Variants in SYNPO2 observed in about 807,000 individuals in gnomAD.
SYNPO2 encodes the protein synaptopodin-2.
A neutral mutation model predicts 85.0 loss-of-function variants in SYNPO2; 56 were observed. That is an observed-to-expected ratio of 0.66 (90% CI 0.53 to 0.82). The LOEUF is 0.82. Among genes scored for constraint, SYNPO2 ranks in the 40% least tolerant of loss-of-function variants. The probability of loss-of-function intolerance (pLI) is 0.00; values close to 1 mark genes in which losing one functional copy is unlikely to be tolerated. For missense variants in SYNPO2, 1,575 were observed against 1,534.2 expected, an observed-to-expected ratio of 1.03 and a Z score of -0.44; for synonymous variants, 602 against 591.1, an observed-to-expected ratio of 1.02 and a Z score of -0.27.
chr4:119,031,467 G>T lies in SYNPO2; in HGVS notation c.2692G>T (p.Ala898Ser), dbSNP rs72914806. The change falls in exon 4 of 5, where the codon GCT (alanine) becomes TCT (serine). Residue 898 changes from alanine (A) to serine (S), a missense_variant. Transcript: ENST00000307142. ...TTCAGACACGGTGCAGGCCCACGCT[G>T]CTCGAGCTCAGTCTCCCACTCCATC... ...VDSDTVQAHA[A>S]RAQSPTPSLP... 1.9e-6 allele frequency: 3 copies of T among 1,614,160 alleles called. No individual in the cohort carries two copies. In the African/African-American group the frequency reaches 4.0e-5, roughly 22 times the overall value.
chr4:118,919,004 A>G (rs1244724510), intron 1 of SYNPO2, among the ~76,000 whole-genome samples: 1 of 152,244 alleles, frequency 6.6e-6, no homozygotes, highest in Non-Finnish European at 1.5e-5. Flanking sequence ...CTAAATATAC[A>G]TTTTAAAAAT....
chr4:118,922,612 C>T (rs950240823), intron 1 of SYNPO2, among the ~76,000 whole-genome samples: 1 of 151,630 alleles, frequency 6.6e-6, no homozygotes, highest in Admixed American at 6.6e-5. Context: ...TCTACTGGAA[C>T]CTACATGTTT....
intron 1 of SYNPO2, among the ~76,000 whole-genome samples, chr4:118,918,525 C>T (rs1733431632): frequency 6.6e-6 from 1 of 152,110 alleles, no homozygotes; most frequent in Non-Finnish European, 1.5e-5. Context: ...TTTTCCTTTG[C>T]TTCTCTGGAG....
intron 1 of SYNPO2, among the ~76,000 whole-genome samples, chr4:118,974,576 C>T (rs1167316288): frequency 1.3e-5 from 2 of 152,234 alleles, no homozygotes; most frequent in Non-Finnish European, 2.9e-5. Context: ...TTGATTTTAA[C>T]ACATCCCTTT....
chr4:118,928,265 G>A (rs991885665), intron 1 of SYNPO2, among the ~76,000 whole-genome samples: 1 of 152,178 alleles, frequency 6.6e-6, no homozygotes, highest in Non-Finnish European at 1.5e-5. Context: ...CCATGTAGGG[G>A]TTTATTAGCT....
At chr4:118,936,289 A>G (rs1734098358) in intron 1 of SYNPO2, among the ~76,000 whole-genome samples, 1 of 152,174 alleles carries the variant, frequency 6.6e-6, no homozygotes, top group African/African-American at 2.4e-5. Flanking sequence ...TCGTTAAGCA[A>G]TGCATGACTG....
Position 118,854,552 on chromosome 4 carries a change from G to C in SYNPO2, c.12+3612G>C, listed in dbSNP as rs115151517. Among the ~76,000 whole-genome samples the C allele has an allele frequency of 5.6e-3, 854 of 152,164 alleles. 2 individuals carry two copies. Among genetic ancestry groups the C allele is most frequent in the Non-Finnish European group, 9.1e-3 (617 of 67,972 alleles). ...AGAAACAGCTGATACTATTGTTAAAGCCATTGTAAATTTACTTTAAAAGTT... is the reference window on the plus strand; with the variant it reads ...AGAAACAGCTGATACTATTGTTAAACCCATTGTAAATTTACTTTAAAAGTT... On this transcript the variant is annotated intron_variant, in intron 1 of 4. Coordinates refer to the SYNPO2 transcript ENST00000610556.
Position 118,997,445 on chromosome 4 carries a change from G to A in SYNPO2, c.106-25985G>A, listed in dbSNP as rs141338882. Among the ~76,000 whole-genome samples, 44 of 152,222 alleles carry A rather than the reference G, an allele frequency of 2.9e-4. 1 individual carries two copies. The East Asian group carries it at 8.3e-3, about 29-fold the overall frequency. ...CTATACTCATGCTACCTGAAGACAC[G>A]GGACACTGAGGCTAAACTAGAATTC... is the stretch of plus-strand genomic sequence containing the variant. On this transcript the variant is annotated intron_variant, in intron 1 of 4. Transcript: ENST00000307142.
intron 1 of SYNPO2, among the ~76,000 whole-genome samples, chr4:118,955,462 T>C (rs554883402): frequency 4.4e-4 from 67 of 152,208 alleles, no homozygotes; most frequent in South Asian, 1.7e-3. Flanking sequence ...AGATATAGAG[T>C]ATGCATTTCC....
In SYNPO2 at chr4:118,878,266, C is replaced by G. The variant is rs574623333; in HGVS notation, c.12+27326C>G. On this transcript the variant is annotated intron_variant, in intron 1 of 4. Transcript: ENST00000610556. ...ACCACCTATGCACTATGCTTATTAC[C>G]TGGGTGACAAAATAATCTGTGCACA... is the stretch of plus-strand genomic sequence containing the variant. 3.9e-5 allele frequency among the ~76,000 whole-genome samples: 6 copies of G among 152,248 alleles called. No homozygotes were observed. In the East Asian group the frequency reaches 1.2e-3, roughly 29 times the overall value.
rs1330324078 is a variant in SYNPO2 at position 119,031,845 on chromosome 4, G to A, written c.3070G>A (p.Val1024Met). The A allele has an allele frequency of 3.1e-6, 5 of 1,614,082 alleles. No homozygotes were observed. The highest frequency in any genetic ancestry group is 3.4e-6 in the Non-Finnish European group (4 of 1,180,058). The change falls in exon 4 of 5, where the codon GTG (valine) becomes ATG (methionine). Residue 1024 changes from valine (V) to methionine (M), a missense_variant. Around this residue, in one of 3 missense-constraint regions of SYNPO2, gnomAD observed 1,508 missense variants for 1,446.8 expected, o/e 1.04. Transcript: ENST00000307142. ...ACCTACGAATGTGCAGGCTTCGTCA[G>A]TGTACTCGGTACCAGCCTATACCTC... ...ASPTNVQASS[V>M]YSVPAYTSPP...
In SYNPO2 at chr4:119,030,047, GGAA is replaced by G. The variant is rs1738152516; in HGVS notation, c.1277_1279del (p.Glu426del). ...AGCTTGAGCGAGAGGCGGACGAGGA[GGAA>G]GAAGGTGACAAGGAGGATACATGTG... On this transcript the variant is annotated inframe_deletion, in exon 4 of 5. Transcript: ENST00000307142. 1.2e-6 allele frequency: 2 copies of G among 1,614,038 alleles called. No homozygotes were observed. Among genetic ancestry groups the G allele is most frequent in the Admixed American group, 1.7e-5 (1 of 59,998 alleles).
intron 1 of SYNPO2, among the ~76,000 whole-genome samples, chr4:118,860,510 C>T (rs1053198527): frequency 1.4e-4 from 21 of 150,212 alleles, no homozygotes; most frequent in Non-Finnish European, 2.8e-4. Flanking sequence ...TCCTAAATTT[C>T]TGGGATTATA....
rs535331376 is a variant in SYNPO2 at position 118,946,855 on chromosome 4, A to G, written c.105+57714A>G. Among the ~76,000 whole-genome samples the G allele has an allele frequency of 6.6e-5, 10 of 152,342 alleles. 1 individual carries two copies. The highest frequency in any genetic ancestry group is 5.9e-4 in the Admixed American group (9 of 15,294). ...TATGCGTGTTTTAAGAGTGAAATTA[A>G]TAAAGGTTTTTTCCCTGTAGAAATT... is the stretch of plus-strand genomic sequence containing the variant. On this transcript the variant is annotated intron_variant, in intron 1 of 4. Transcript: ENST00000307142.
chr4:118,964,250 G>A (rs1263178909), intron 1 of SYNPO2, among the ~76,000 whole-genome samples: 1 of 151,860 alleles, frequency 6.6e-6, no homozygotes, highest in African/African-American at 2.4e-5. Flanking sequence ...AGGAGTTTGA[G>A]ACCAGCCTGG....
chr4:118,863,990 C>T (rs904899784), intron 1 of SYNPO2, among the ~76,000 whole-genome samples: 1 of 152,058 alleles, frequency 6.6e-6, no homozygotes, highest in Admixed American at 6.6e-5. Context: ...TTTTCTTCGA[C>T]TAATTTTGGG....
chr4:118,859,906 T>A (rs1379712434), intron 1 of SYNPO2, among the ~76,000 whole-genome samples: 1 of 152,120 alleles, frequency 6.6e-6, no homozygotes, highest in Non-Finnish European at 1.5e-5. Flanking sequence ...TTTGATATAC[T>A]GATTTCCTTT....
intron 1 of SYNPO2, among the ~76,000 whole-genome samples, chr4:118,857,033 T>G (rs1380562979): frequency 6.6e-6 from 1 of 152,076 alleles, no homozygotes; most frequent in East Asian, 1.9e-4. Context: ...GACTTTTATA[T>G]TTATAATTTA....
chr4:118,858,283 T>C (rs964625512), intron 1 of SYNPO2, among the ~76,000 whole-genome samples: 1 of 152,186 alleles, frequency 6.6e-6, no homozygotes, highest in East Asian at 1.9e-4. Context: ...CACTTTTCAT[T>C]TAAGTTTTAC....
Sources: gnomAD v4.1 joint callset for allele counts (sites outside exome capture counted in the v4.1 genomes callset) on GRCh38, gnomAD v4.1.1 for gene constraint, gnomAD v4.1.1 regional missense constraint, MANE v1.5 for transcripts, NCBI Gene and HGNC (gene_info 2026-07-23, HGNC 2026-07-21) for gene names.